Variants in RBFOX1 observed in about 807,000 individuals in gnomAD.
RBFOX1 encodes the protein RNA binding fox-1 homolog 1.
RBFOX1 carries 8 observed loss-of-function variants against 57.7 expected under a neutral mutation model. The observed-to-expected ratio is 0.14, with a 90% CI of 0.08 to 0.25. The LOEUF (loss-of-function observed/expected upper bound fraction) is 0.25. Ranked by LOEUF, RBFOX1 falls within the 10% of genes least tolerant of loss-of-function variation. The pLI is 1.00. For synonymous variants in RBFOX1, 326 were observed against 222.4 expected (o/e 1.47, Z -4.15); for missense variants, 611 against 548.5 (o/e 1.11, Z -1.14).
Position 6,419,947 on chromosome 16 carries a change from C to T in RBFOX1, c.-64+102890C>T, listed in dbSNP as rs12444271. Among the ~76,000 whole-genome samples the T allele has an allele frequency of 1.7e-3, 260 of 152,076 alleles. 3 individuals are homozygous for T. The highest frequency in any genetic ancestry group is 2.8e-3 in the Non-Finnish European group (187 of 67,992). On this transcript the variant is annotated intron_variant, in intron 2 of 15. Transcript: ENST00000550418. The stretch of plus-strand genomic sequence containing the variant: ...GGAGAGTCAAAGACATGCTGCAGGC[C>T]CCCCCATCCCTTCCCTTCTGGCCTG...
At chr16:7,316,853 A>G (rs1285664295) in intron 4 of RBFOX1, among the ~76,000 whole-genome samples, 3 of 151,944 alleles carry the variant, frequency 2.0e-5, no homozygotes, top group African/African-American at 4.8e-5. Flanking sequence ...CAAAGGGACC[A>G]GGGAGCCAGT....
At chr16:7,527,106 G>A (rs1451069357) in intron 5 of RBFOX1, among the ~76,000 whole-genome samples, 1 of 152,170 alleles carries the variant, frequency 6.6e-6, no homozygotes, top group Non-Finnish European at 1.5e-5. Context: ...TGTTTCGGTG[G>A]CTTCAAAATT....
chr16:7,096,796 A>G (rs1270669764), intron 4 of RBFOX1, among the ~76,000 whole-genome samples: 2 of 151,734 alleles, frequency 1.3e-5, no homozygotes, highest in Non-Finnish European at 2.9e-5. Context: ...GTTGGGAGTG[A>G]TGGCTCTCCC....
At chr16:6,074,437 C>T (rs1280073197) in intron 1 of RBFOX1, among the ~76,000 whole-genome samples, 1 of 152,214 alleles carries the variant, frequency 6.6e-6, no homozygotes, top group African/African-American at 2.4e-5. Flanking sequence ...CTGAACCAAT[C>T]ATGATAAAAT....
chr16:5,313,079 G>A (rs2064135733), intron 1 of RBFOX1, among the ~76,000 whole-genome samples: 1 of 152,102 alleles, frequency 6.6e-6, no homozygotes, highest in Admixed American at 6.5e-5. Flanking sequence ...CGCTTTCTGT[G>A]AACTGTTTGA....
At chr16:5,964,894 G>A (rs1254660471) in intron 4 of RBFOX1, among the ~76,000 whole-genome samples, 2 of 152,062 alleles carry the variant, frequency 1.3e-5, no homozygotes, top group East Asian at 3.8e-4. Context: ...AATGTGGTGT[G>A]TGTATATATA....
chr16:6,617,765 C>A (rs978714867), intron 2 of RBFOX1, among the ~76,000 whole-genome samples: 8 of 152,078 alleles, frequency 5.3e-5, no homozygotes, highest in African/African-American at 1.9e-4. Context: ...GGAAATATGG[C>A]AAGACAGTAG....
intron 3 of RBFOX1, among the ~76,000 whole-genome samples, chr16:5,611,719 TATCCATCCATCC>T (rs61156757): frequency 2.6e-5 from 3 of 114,692 alleles, no homozygotes; most frequent in East Asian, 2.8e-4. Flanking sequence ...TCCATCCATC[TATCCATCCATCC>T]ATCCATCCAT....
intron 2 of RBFOX1, among the ~76,000 whole-genome samples, chr16:6,516,960 G>A (rs1299197808): frequency 6.6e-6 from 1 of 152,048 alleles, no homozygotes; most frequent in Non-Finnish European, 1.5e-5. Context: ...ATGCTCTGGG[G>A]GCAGAGATAA....
chr16:5,800,964 G>A (rs754460387), intron 3 of RBFOX1, among the ~76,000 whole-genome samples: 1 of 152,144 alleles, frequency 6.6e-6, no homozygotes, highest in African/African-American at 2.4e-5. Context: ...ACCCATGGGA[G>A]GCTCCAAGAG....
At chr16:5,287,360 G>C (rs1208344050) in intron 1 of RBFOX1, among the ~76,000 whole-genome samples, 1 of 151,994 alleles carries the variant, frequency 6.6e-6, no homozygotes, top group African/African-American at 2.4e-5. Context: ...CTGAATTTCT[G>C]GGTAGGTAAC....
intron 2 of RBFOX1, among the ~76,000 whole-genome samples, chr16:6,584,394 G>T (rs966586196): frequency 2.0e-5 from 3 of 146,372 alleles, no homozygotes; most frequent in Admixed American, 1.4e-4. Flanking sequence ...TTGAGACATG[G>T]TCTTGCTCTT....
intron 3 of RBFOX1, among the ~76,000 whole-genome samples, chr16:6,941,734 T>C (rs1403078124): frequency 2.6e-5 from 4 of 152,202 alleles, no homozygotes; most frequent in African/African-American, 9.6e-5. Flanking sequence ...ATTTGGCTTC[T>C]GAGAATGTGG....
At chr16:7,567,227 C>A (rs1311621427) in intron 5 of RBFOX1, among the ~76,000 whole-genome samples, 6 of 133,996 alleles carry the variant, frequency 4.5e-5, no homozygotes, top group East Asian at 4.4e-4. Flanking sequence ...ATATATATAT[C>A]CCTATATATA....
At chr16:7,266,448 C>G (rs1433637588) in intron 4 of RBFOX1, among the ~76,000 whole-genome samples, 1 of 152,172 alleles carries the variant, frequency 6.6e-6, no homozygotes, top group Admixed American at 6.5e-5. Flanking sequence ...TGCTATAAAG[C>G]CAGTGGAACT....
At chr16:6,364,939 C>T (rs764835417) in intron 2 of RBFOX1, among the ~76,000 whole-genome samples, 6 of 151,968 alleles carry the variant, frequency 3.9e-5, no homozygotes, top group Non-Finnish European at 8.8e-5. Context: ...TTCAGAGCGC[C>T]CTACTTCTGT....
intron 4 of RBFOX1, among the ~76,000 whole-genome samples, chr16:7,059,818 C>A (rs2053685213): frequency 6.6e-6 from 1 of 152,084 alleles, no homozygotes; most frequent in South Asian, 2.1e-4. Flanking sequence ...CTTCTGCCAG[C>A]TGCACTTTTC....
At chr16:6,380,457 A>T (rs2091693115) in intron 2 of RBFOX1, among the ~76,000 whole-genome samples, 1 of 120,550 alleles carries the variant, frequency 8.3e-6, no homozygotes, top group African/African-American at 3.1e-5. Context: ...AGTAGAACTC[A>T]GCAGCTTGGG....
At chr16:6,898,471 C>G (rs2067529336) in intron 3 of RBFOX1, among the ~76,000 whole-genome samples, 1 of 152,118 alleles carries the variant, frequency 6.6e-6, no homozygotes, top group Non-Finnish European at 1.5e-5. Context: ...TTATTTAAGT[C>G]TCATAATTCA....
Sources: allele counts gnomAD v4.1 joint callset (sites outside exome capture counted in the v4.1 genomes callset), GRCh38; gene constraint gnomAD v4.1.1; transcripts MANE v1.5; gene names NCBI Gene and HGNC (gene_info 2026-07-23, HGNC 2026-07-21).